Variants in TSPAN14 observed in about 807,000 individuals in gnomAD.
TSPAN14 encodes the protein tetraspanin-14.
Under a neutral mutation model 36.6 loss-of-function variants are expected in TSPAN14, and 16 were observed. The observed-to-expected ratio is 0.44, with a 90% confidence interval of 0.30 to 0.66. The LOEUF (loss-of-function observed/expected upper bound fraction) is 0.66. Among genes scored for constraint, TSPAN14 ranks in the 30% least tolerant of loss-of-function variants. The pLI, the probability that TSPAN14 is intolerant of heterozygous loss-of-function variation, is 0.12. For synonymous variants in TSPAN14, 139 were observed against 143.8 expected (o/e 0.97, Z 0.24); for missense variants, 231 against 355.1 (o/e 0.65, Z 2.81).
intron 1 of TSPAN14, among the ~76,000 whole-genome samples, chr10:80,486,322 T>C (rs1847593425): frequency 6.6e-6 from 1 of 152,338 alleles, no homozygotes; most frequent in South Asian, 2.1e-4. Context: ...GTACACTTTA[T>C]GGGTGTGAGC....
intron 6 of TSPAN14, 119 bp downstream of exon 6, chr10:80,512,388 C>T: frequency 7.2e-7 from 1 of 1,391,264 alleles, no homozygotes; most frequent in Non-Finnish European, 9.6e-7. Context: ...AGCAGGTGTG[C>T]TTTCTCCACA....
At chr10:80,511,914 T>C (rs1840674488) in intron 5 of TSPAN14, among the ~76,000 whole-genome samples, 1 of 151,770 alleles carries the variant, frequency 6.6e-6, no homozygotes, top group Admixed American at 6.6e-5. Context: ...ACCTCCCGAG[T>C]CACTGAGGTT....
At chr10:80,506,369 TG>T (rs1464460356) in intron 3 of TSPAN14, among the ~76,000 whole-genome samples, 1 of 152,244 alleles carries the variant, frequency 6.6e-6, no homozygotes, top group African/African-American at 2.4e-5. Context: ...ACACTGAAGA[TG>T]TAATTGTCCC....
chr10:80,475,649 G>T (rs147247475), intron 1 of TSPAN14, among the ~76,000 whole-genome samples: 16 of 152,042 alleles, frequency 1.1e-4, no homozygotes, highest in Admixed American at 2.0e-4. Flanking sequence ...GTGCAGTGGC[G>T]CGATCTTGGC....
intron 3 of TSPAN14, among the ~76,000 whole-genome samples, chr10:80,506,239 C>G (rs1418073776): frequency 6.6e-6 from 1 of 152,214 alleles, no homozygotes; most frequent in East Asian, 1.9e-4. Flanking sequence ...TCCCAAAGTG[C>G]TGGGATTACA....
At chr10:80,488,419 C>T (rs970101862) in intron 1 of TSPAN14, among the ~76,000 whole-genome samples, 3 of 152,188 alleles carry the variant, frequency 2.0e-5, no homozygotes, top group Non-Finnish European at 4.4e-5. Context: ...AACAGTGGCC[C>T]CACCCTTCAC....
In TSPAN14 at chr10:80,504,832, T is replaced by C. The variant is rs541075857; in HGVS notation, c.132+54T>C. 26 of 1,590,840 alleles carry C rather than the reference T, an allele frequency of 1.6e-5. No individual in the cohort carries two copies. The Middle Eastern group carries it at 5.0e-4, about 30-fold the overall frequency. ...CTTCAGGCAGCCAAAACCAGATTCG[T>C]TGGACTTCATTTTCCCTCCTCCAAT... On this transcript the variant is annotated intron_variant, in intron 3 of 8. Transcript: ENST00000429989.
chr10:80,460,992 T>A (rs1418132159), intron 1 of TSPAN14, among the ~76,000 whole-genome samples: 1 of 152,176 alleles, frequency 6.6e-6, no homozygotes, highest in African/African-American at 2.4e-5. Flanking sequence ...GACTGCACAC[T>A]CCTGCTGCCT....
chr10:80,486,923 T>G (rs1564727058), intron 1 of TSPAN14, among the ~76,000 whole-genome samples: 1 of 152,228 alleles, frequency 6.6e-6, no homozygotes, highest in East Asian at 1.9e-4. Flanking sequence ...AAGAACAATT[T>G]AAAAAGTCAA....
intron 1 of TSPAN14, among the ~76,000 whole-genome samples, chr10:80,471,971 TTG>T (rs1023471361): frequency 2.4e-4 from 37 of 152,052 alleles, no homozygotes; most frequent in East Asian, 3.9e-4. Flanking sequence ...AAGCAGGAGT[TTG>T]AGACCAGCCT....
chr10:80,487,634 G>T (rs888140435), intron 1 of TSPAN14, among the ~76,000 whole-genome samples: 19 of 152,084 alleles, frequency 1.2e-4, no homozygotes, highest in African/African-American at 4.6e-4. Flanking sequence ...TTCAGGCCTT[G>T]TGTGTGTCCT....
intron 1 of TSPAN14, among the ~76,000 whole-genome samples, chr10:80,456,777 T>C (rs1234782723): frequency 6.6e-6 from 1 of 152,208 alleles, no homozygotes; most frequent in Non-Finnish European, 1.5e-5. Flanking sequence ...AAAACAGCTG[T>C]GATGGCTGGG....
chr10:80,498,367 G>C (rs1564734924), intron 2 of TSPAN14, among the ~76,000 whole-genome samples: 3 of 152,134 alleles, frequency 2.0e-5, no homozygotes, highest in Admixed American at 2.0e-4. Flanking sequence ...GAGAGGGATG[G>C]CTTCCTCGAG....
chr10:80,456,258 G>T (rs1262470775), intron 1 of TSPAN14, among the ~76,000 whole-genome samples: 4 of 151,662 alleles, frequency 2.6e-5, no homozygotes, highest in Admixed American at 1.3e-4. Context: ...ACGGGGTTGT[G>T]GGGGGGGTCT....
At chr10:80,465,372 G>A (rs1044764546) in intron 1 of TSPAN14, among the ~76,000 whole-genome samples, 1 of 152,204 alleles carries the variant, frequency 6.6e-6, no homozygotes, top group African/African-American at 2.4e-5. Context: ...CGCTGCAGGA[G>A]CCACAGCCAT....
chr10:80,465,255 C>T (rs1226110285), intron 1 of TSPAN14, among the ~76,000 whole-genome samples: 1 of 152,102 alleles, frequency 6.6e-6, no homozygotes, highest in Non-Finnish European at 1.5e-5. Context: ...CTCCCAGGCC[C>T]CCCACTTGCT....
At chr10:80,462,156 G>T (rs941053371) in intron 1 of TSPAN14, among the ~76,000 whole-genome samples, 5 of 152,084 alleles carry the variant, frequency 3.3e-5, no homozygotes, top group African/African-American at 4.8e-5. Context: ...CACTTGATTT[G>T]TGCTTCTTAA....
At chr10:80,487,168 G>A (rs559375134) in intron 1 of TSPAN14, among the ~76,000 whole-genome samples, 13 of 152,282 alleles carry the variant, frequency 8.5e-5, no homozygotes, top group East Asian at 3.9e-4. Flanking sequence ...TTGCCTACAC[G>A]GAGCCCCTCT....
At chr10:80,482,446 C>T (rs574228397) in intron 1 of TSPAN14, among the ~76,000 whole-genome samples, 1 of 151,040 alleles carries the variant, frequency 6.6e-6, no homozygotes, top group East Asian at 1.9e-4. Context: ...GCCACCACGC[C>T]TGGCTAATTT....
Sources: gnomAD v4.1 joint callset for allele counts (sites outside exome capture counted in the v4.1 genomes callset) on GRCh38, gnomAD v4.1.1 for gene constraint, MANE v1.5 for transcripts, NCBI Gene and HGNC (gene_info 2026-07-23, HGNC 2026-07-21) for gene names.